Variants in MROH1 observed in about 807,000 individuals in gnomAD.
MROH1 encodes maestro heat-like repeat-containing protein family member 1.
Under a neutral mutation model 116.5 loss-of-function variants are expected in MROH1, and 117 were observed. The observed-to-expected ratio is 1.00, with a 90% CI of 0.86 to 1.17. The LOEUF is 1.17. Ranked by LOEUF, MROH1 falls within the 50% of genes most tolerant of loss-of-function variation. The pLI, the probability that MROH1 is intolerant of heterozygous loss-of-function variation, is 0.00. For synonymous variants in MROH1, 921 were observed against 583.9 expected (o/e 1.58, Z -8.32); for missense variants, 1,873 against 1,338.5 (o/e 1.40, Z -6.23).
chr8:144,231,637 G>A (rs940852707), intron 14 of MROH1, among the ~76,000 whole-genome samples: 1 of 152,138 alleles, frequency 6.6e-6, no homozygotes, highest in Non-Finnish European at 1.5e-5. Context: ...AACAATTATA[G>A]TAACATCAGA....
chr8:144,150,729 A>G (rs1422440784), intron 1 of MROH1, among the ~76,000 whole-genome samples: 2 of 152,322 alleles, frequency 1.3e-5, no homozygotes, highest in East Asian at 3.9e-4. Flanking sequence ...TGGCTCTGCC[A>G]CTGAGCCCTT....
chr8:144,177,935 T>C lies in MROH1; in HGVS notation c.169-1520T>C, dbSNP rs550140336. 2.0e-5 allele frequency among the ~76,000 whole-genome samples: 3 copies of C among 151,616 alleles called. No homozygotes were observed. In the South Asian group the frequency reaches 6.3e-4, roughly 32 times the overall value. On this transcript the variant is annotated intron_variant, in intron 4 of 43. Transcript: ENST00000326134. ...TTGAGCTAATTAGACCTTTTTTCTT[T>C]GTAAGTTACCCAGTCTCCGGTATTT... is the stretch of plus-strand genomic sequence containing the variant.
At position 144,179,355 on chromosome 8, in the gene MROH1, G is replaced by A. The variant is rs901449988; in HGVS notation, c.169-100G>A. 4.0e-6 allele frequency: 6 copies of A among 1,518,326 alleles called. No homozygotes were observed. In the African/African-American group the frequency reaches 6.8e-5, roughly 17 times the overall value. 94.1% of individuals were successfully genotyped at this position (1,518,326 alleles called of 1,614,324 possible). On this transcript the variant is annotated intron_variant, in intron 4 of 43. Transcript: ENST00000326134. ...CCTCCCCTCCTGCACTTGAGGCAGA[G>A]AGATTTGTGCGGTTTCATCTTGTAG...
intron 15 of MROH1, 76 bp downstream of exon 15, chr8:144,238,939 G>T (rs1464284755): frequency 1.3e-6 from 1 of 768,726 alleles, no homozygotes; most frequent in African/African-American, 1.7e-5. Flanking sequence ...CTCAGGCCCA[G>T]CAAAGGGTCT....
chr8:144,247,583 C>T lies in MROH1; in HGVS notation c.3024C>T (p.Tyr1008=). 1.3e-6 allele frequency: 1 copy of T among 774,514 alleles called. No individual in the cohort carries two copies. Among genetic ancestry groups the T allele is most frequent in the Non-Finnish European group, 2.4e-6 (1 of 417,190 alleles). 48.0% of individuals were successfully genotyped at this position (774,514 alleles called of 1,614,324 possible). ...GCCTCTCAGGCTTCTCCCGGGACTA[C>T]CGCGATGACGTGGCGGAGCGGCTCC... ...QLGYEGFSRD[Y]RDDVAERLLS... Residue 1008 remains tyrosine, a synonymous_variant, in exon 31 of 44, where the codon TAC becomes TAT. Coordinates refer to ENST00000326134, the MANE Select transcript of MROH1 (RefSeq NM_032450.3).
At chr8:144,190,543 C>A (rs1159538215) in intron 7 of MROH1, among the ~76,000 whole-genome samples, 1 of 152,168 alleles carries the variant, frequency 6.6e-6, no homozygotes, top group Non-Finnish European at 1.5e-5. Context: ...GAGTGACAGA[C>A]CGAGCAAGAC....
At chr8:144,149,673 T>C (rs888315071) in intron 1 of MROH1, among the ~76,000 whole-genome samples, 6 of 152,230 alleles carry the variant, frequency 3.9e-5, no homozygotes, top group Middle Eastern at 3.4e-3. Context: ...CTTGGTTTCT[T>C]TGGGGTAGGA....
At chr8:144,212,457 C>T (rs1834327628) in intron 12 of MROH1, among the ~76,000 whole-genome samples, 1 of 151,812 alleles carries the variant, frequency 6.6e-6, no homozygotes, top group South Asian at 2.1e-4. Context: ...TATTCCTGGG[C>T]CTTTTCAGTA....
intron 14 of MROH1, among the ~76,000 whole-genome samples, chr8:144,225,105 A>G (rs758256677): frequency 1.3e-5 from 2 of 151,820 alleles, no homozygotes; most frequent in Non-Finnish European, 2.9e-5. Context: ...GTGGCACGAT[A>G]ATGGCCCATT....
Position 144,234,498 on chromosome 8 carries a change from G to GTTTTTTTTTTTTTTTTTT in MROH1, c.1339-4239_1339-4222dup. Among the ~76,000 whole-genome samples the GTTTTTTTTTTTTTTTTTT allele has an allele frequency of 3.0e-3, 55 of 18,098 alleles. 24 individuals carry two copies. Among genetic ancestry groups the GTTTTTTTTTTTTTTTTTT allele is most frequent in the Non-Finnish European group, 4.8e-3 (39 of 8,116 alleles). The allele number at this position is 18,098 out of a possible 152,430, so 11.9% of individuals were successfully genotyped here. ...AATGGAATTATTTTCTTTCTTTTTC[G>GTTTTTTTTTTTTTTTTTT]TTTTTTTTTTTTTTTTTTTTTTTTT... On this transcript the variant is annotated intron_variant, in intron 14 of 43. Coordinates refer to ENST00000326134, the MANE Select transcript of MROH1 (RefSeq NM_032450.3).
chr8:144,236,730 G>A (rs1158399066), intron 14 of MROH1, among the ~76,000 whole-genome samples: 3 of 151,324 alleles, frequency 2.0e-5, no homozygotes, highest in South Asian at 2.1e-4. Context: ...GTGACAGAGC[G>A]AGACTCCATC....
chr8:144,243,813 G>T, intron 25 of MROH1, 50 bp from the exon 26 acceptor site: 2 of 754,104 alleles, frequency 2.7e-6, no homozygotes, highest in East Asian at 2.5e-5. Context: ...GACCAGGGAG[G>T]AGAGCTGGCG....
intron 13 of MROH1, 112 bp from the exon 14 acceptor site, chr8:144,222,996 G>A: frequency 1.4e-6 from 2 of 1,472,260 alleles, no homozygotes; most frequent in Non-Finnish European, 1.8e-6. Context: ...CTGCAGTTGT[G>A]GGCACATGTG....
At position 144,261,913 on chromosome 8, in the gene MROH1, C is replaced by T. The variant is rs1426873993; in HGVS notation, c.*173C>T. ...TTCAGTGAGGGATGTGCCCAATAAA[C>T]TCATCTGCTCCCAGCGAGTGACTGA... On this transcript the variant is annotated 3_prime_UTR_variant, in exon 44 of 44. Coordinates refer to ENST00000326134, the MANE Select transcript of MROH1 (RefSeq NM_032450.3). The T allele has an allele frequency of 7.6e-6, 5 of 656,214 alleles. No homozygotes were observed. The African/African-American group carries it at 9.0e-5, about 12-fold the overall frequency. 40.6% of individuals were successfully genotyped at this position (656,214 alleles called of 1,614,324 possible).
chr8:144,182,035 C>T lies in MROH1; in HGVS notation c.562+1512C>T, dbSNP rs757124241. 9.2e-5 allele frequency among the ~76,000 whole-genome samples: 14 copies of T among 152,222 alleles called. No homozygotes were observed. The highest frequency in any genetic ancestry group is 1.3e-4 in the Non-Finnish European group (9 of 68,038). ...AGCCAGCGAAGATTCCATGGGACCT[C>T]CTCGTGTGGGACGTGTGCTCCCCAC... On this transcript the variant is annotated intron_variant, in intron 7 of 43. Coordinates refer to ENST00000326134, the MANE Select transcript of MROH1 (RefSeq NM_032450.3). The surrounding 1 kb of genome is among the most constrained non-coding windows in gnomAD (Gnocchi z 4.1).
rs1439689266 is a variant in MROH1 at position 144,238,810 on chromosome 8, A to G, written c.1393A>G (p.Ile465Val). The change falls in exon 15 of 44, where the codon ATC becomes GTC. Residue 465 changes from isoleucine (I) to valine (V), a missense_variant. Physicochemically the swap from Ile to Val is conservative, Grantham distance 29 (BLOSUM62 3). Transcript: ENST00000326134. ...KDPKADSVRA[I>V]SVRTLYLVST... ...CCCCAAGGCCGACAGCGTGCGGGCC[A>G]TCAGCGTGCGCACCCTCTACCTGGT... 12 of 775,044 alleles carry G rather than the reference A, an allele frequency of 1.5e-5. No homozygotes were observed. Among genetic ancestry groups the G allele is most frequent in the Non-Finnish European group, 2.6e-5 (11 of 417,740 alleles). The allele number at this position is 775,044 out of a possible 1,614,324, so 48.0% of individuals were successfully genotyped here.
At chr8:144,206,071 G>A (rs1472595878) in intron 12 of MROH1, among the ~76,000 whole-genome samples, 10 of 152,124 alleles carry the variant, frequency 6.6e-5, no homozygotes, top group South Asian at 4.1e-4. Flanking sequence ...AGGTCACAGC[G>A]CAGGCTTGTG....
intron 12 of MROH1, among the ~76,000 whole-genome samples, chr8:144,202,638 GCAGGCTCTCTGTGGAGAGGC>G (rs1831546785): frequency 1.8e-5 from 1 of 55,658 alleles, no homozygotes; most frequent in Non-Finnish European, 5.1e-5. Flanking sequence ...GGAGGGGAGC[GCAGGCTCTCTGTGGAGAGGC>G]GGGGAGGGGG....
In MROH1 at chr8:144,260,770, G is replaced by A. The variant is rs1371939405; in HGVS notation, c.4474G>A (p.Val1492Met). 22 of 778,790 alleles carry A rather than the reference G, an allele frequency of 2.8e-5. No individual in the cohort carries two copies. Among genetic ancestry groups the A allele is most frequent in the Non-Finnish European group, 7.2e-6 (3 of 417,806 alleles). The allele number at this position is 778,790 out of a possible 1,614,324, so 48.2% of individuals were successfully genotyped here. ...GDCEDVFLDQ[V>M]VGGLAPLLLH... ...CTGTGAGGACGTCTTCCTGGACCAG[G>A]TGGTGGGCGGGCTGGCGCCCCTGCT... is the stretch of plus-strand genomic sequence containing the variant. The change falls in exon 40 of 44, where the codon GTG becomes ATG. Residue 1492 changes from valine to methionine, a missense_variant. Physicochemically the swap from Val to Met is conservative, Grantham distance 21. Transcript: ENST00000326134.
Sources: allele counts gnomAD v4.1 joint callset (sites outside exome capture counted in the v4.1 genomes callset), GRCh38; gene constraint gnomAD v4.1.1; non-coding constraint Gnocchi (gnomAD v3.1); transcripts MANE v1.5; gene names NCBI Gene and HGNC (gene_info 2026-07-23, HGNC 2026-07-21).